PTPRK: variants seen among roughly 807,000 people sequenced by gnomAD.
PTPRK encodes protein tyrosine phosphatase receptor type K.
PTPRK carries 75 observed loss-of-function variants against 178.0 expected under a neutral mutation model. That is an observed-to-expected ratio of 0.42 (90% CI 0.35 to 0.51). The LOEUF (loss-of-function observed/expected upper bound fraction) is 0.51, where lower values mean the gene tolerates loss of function less well. Ranked by LOEUF, PTPRK falls within the 20% of genes least tolerant of loss-of-function variation. The probability of loss-of-function intolerance (pLI) is 0.02; values close to 1 mark genes in which losing one functional copy is unlikely to be tolerated. For missense variants in PTPRK, 1,441 were observed against 1,797.8 expected (o/e 0.80, Z 3.59); for synonymous variants, 637 against 620.6 (o/e 1.03, Z -0.39).
At chr6:127,973,214 A>G in intron 28 of PTPRK, 57 bp from the exon 29 acceptor site, 1 of 1,603,682 alleles carries the variant, frequency 6.2e-7, no homozygotes, top group Non-Finnish European at 8.5e-7. Context: ...ACCACAGGTC[A>G]CACCATCATA....
At chr6:128,077,179 C>T (rs1211442581) in intron 11 of PTPRK, among the ~76,000 whole-genome samples, 2 of 151,942 alleles carry the variant, frequency 1.3e-5, no homozygotes, top group African/African-American at 4.8e-5. Context: ...TAAATTTTAT[C>T]ACAGGTAGGA....
rs572634008 is a variant in PTPRK at position 128,272,946 on chromosome 6, C to G, written c.496-30344G>C. On this transcript the variant is annotated intron_variant, in intron 3 of 29. Transcript: ENST00000368226. ...GTGGCACTATTCACAATAGCAAAGA[C>G]TTGGAACCAACCCAAATGTCCATCA... Among the ~76,000 whole-genome samples the G allele has an allele frequency of 2.0e-5, 3 of 152,292 alleles. No homozygotes were observed. In the South Asian group the frequency reaches 6.2e-4, roughly 32 times the overall value.
At chr6:128,321,842 G>A in intron 3 of PTPRK, 197 bp downstream of exon 3, 1 of 750,774 alleles carries the variant, frequency 1.3e-6, no homozygotes. Context: ...AACAGGGTGG[G>A]GAAGAAAGAG....
At chr6:128,145,668 G>A (rs537891896) in intron 7 of PTPRK, among the ~76,000 whole-genome samples, 26 of 149,776 alleles carry the variant, frequency 1.7e-4, no homozygotes, top group Non-Finnish European at 3.1e-4. Context: ...AGTTAAAAAT[G>A]ATCAAAAAAG....
intron 3 of PTPRK, among the ~76,000 whole-genome samples, chr6:128,244,570 A>G (rs1421595691): frequency 3.9e-5 from 6 of 152,240 alleles, no homozygotes; most frequent in African/African-American, 1.4e-4. Context: ...AATAATTTAA[A>G]GATTTCAGAT....
chr6:128,356,146 C>G (rs1355316250), intron 2 of PTPRK, among the ~76,000 whole-genome samples: 1 of 152,104 alleles, frequency 6.6e-6, no homozygotes, highest in Admixed American at 6.6e-5. Context: ...TTATCTTCTT[C>G]CAGTCCCTCT....
intron 13 of PTPRK, among the ~76,000 whole-genome samples, chr6:128,028,746 T>C (rs1165015539): frequency 2.0e-5 from 3 of 152,238 alleles, no homozygotes; most frequent in Admixed American, 1.3e-4. Context: ...GTGTAAGACA[T>C]ATGGCAGAGA....
Position 128,474,912 on chromosome 6 carries a change from C to T in PTPRK, c.100+45347G>A, listed in dbSNP as rs181965431. 1.4e-3 allele frequency among the ~76,000 whole-genome samples: 216 copies of T among 152,206 alleles called. 4 individuals carry two copies. Among genetic ancestry groups the T allele is most frequent in the Admixed American group, 0.014 (212 of 15,268 alleles). ...TCAGGCGATAAGAACTACTGCCTTT[C>T]AGCATTAAGTTTATACCATAAAATG... On this transcript the variant is annotated intron_variant, in intron 1 of 29. Transcript: ENST00000368226.
chr6:128,294,747 T>C (rs1823991421), intron 3 of PTPRK, among the ~76,000 whole-genome samples: 1 of 152,102 alleles, frequency 6.6e-6, no homozygotes, highest in African/African-American at 2.4e-5. Flanking sequence ...TTTTGCTTTT[T>C]TATCCACTTA....
At chr6:128,119,288 C>T (rs1792075353) in intron 7 of PTPRK, among the ~76,000 whole-genome samples, 1 of 151,458 alleles carries the variant, frequency 6.6e-6, no homozygotes, top group African/African-American at 2.4e-5. Context: ...TTTAAATTTA[C>T]ATTCCTTTGA....
At chr6:128,511,399 T>C (rs1421347527) in intron 1 of PTPRK, among the ~76,000 whole-genome samples, 12 of 152,198 alleles carry the variant, frequency 7.9e-5, no homozygotes. Flanking sequence ...ATTCAATGGT[T>C]GGAAACAAGA....
At chr6:128,083,114 T>C (rs1785111117) in intron 9 of PTPRK, among the ~76,000 whole-genome samples, 2 of 152,244 alleles carry the variant, frequency 1.3e-5, no homozygotes, top group Admixed American at 1.3e-4. Context: ...TAATTCACTC[T>C]GTAGCCATTA....
Position 127,992,724 on chromosome 6 carries a change from C to T in PTPRK, c.2845-15G>A. 1.9e-6 allele frequency: 3 copies of T among 1,562,018 alleles called. No homozygotes were observed. The highest frequency in any genetic ancestry group is 2.6e-6 in the Non-Finnish European group (3 of 1,153,020). ...CTCTGGTAGCCCTAAAATAAGAGAA[C>T]AAATTAGTTATCATTTTACATCAAT... On this transcript the variant is annotated splice_polypyrimidine_tract_variant and intron_variant, in intron 18 of 29. Transcript: ENST00000368226.
rs147967771 is a variant in PTPRK, at chr6:128,491,774, C to T, written c.100+28485G>A. On this transcript the variant is annotated intron_variant, in intron 1 of 29. Coordinates refer to ENST00000368226, the MANE Select transcript of PTPRK (RefSeq NM_002844.4). ...ATGATCCTGGCCAGGGTTCTGTGTG[C>T]GTGATAGATGGCGAATGGAATGGCA... 162 of 518,122 alleles carry T rather than the reference C, an allele frequency of 3.1e-4. 1 individual carries two copies. Among genetic ancestry groups the T allele is most frequent in the Non-Finnish European group, 7.3e-5 (19 of 259,632 alleles). 32.1% of individuals were successfully genotyped at this position (518,122 alleles called of 1,614,324 possible).
chr6:128,476,410 A>C (rs1029361130), intron 1 of PTPRK, among the ~76,000 whole-genome samples: 8 of 151,716 alleles, frequency 5.3e-5, no homozygotes, highest in African/African-American at 1.9e-4. Flanking sequence ...TTAAGAAAAC[A>C]AACAAAACAA....
intron 1 of PTPRK, among the ~76,000 whole-genome samples, chr6:128,410,149 G>T (rs1842139291): frequency 1.3e-5 from 2 of 152,132 alleles, no homozygotes; most frequent in Admixed American, 1.3e-4. Flanking sequence ...GAAAATCATG[G>T]TATAGAGCAA....
At chr6:128,187,697 C>G (rs1222408081) in intron 6 of PTPRK, among the ~76,000 whole-genome samples, 1 of 152,146 alleles carries the variant, frequency 6.6e-6, no homozygotes, top group Non-Finnish European at 1.5e-5. Context: ...TTACATCTCA[C>G]TTTCCATGGT....
intron 3 of PTPRK, among the ~76,000 whole-genome samples, chr6:128,245,149 T>A (rs1815221951): frequency 6.6e-6 from 1 of 152,172 alleles, no homozygotes; most frequent in South Asian, 2.1e-4. Context: ...CATGTTCATT[T>A]TAAAGAAAAG....
intron 2 of PTPRK, among the ~76,000 whole-genome samples, chr6:128,332,648 T>C (rs1830427967): frequency 6.6e-6 from 1 of 152,150 alleles, no homozygotes; most frequent in African/African-American, 2.4e-5. Context: ...TGTTAAAGGG[T>C]GGTACACTTA....
Sources: allele counts gnomAD v4.1 joint callset (sites outside exome capture counted in the v4.1 genomes callset), GRCh38; gene constraint gnomAD v4.1.1; transcripts MANE v1.5; gene names NCBI Gene and HGNC (gene_info 2026-07-23, HGNC 2026-07-21).